The following MAP3K20 variants were observed in gnomAD, a reference collection of about 807,000 sequenced individuals.
MAP3K20 encodes the protein mitogen-activated protein kinase kinase kinase 20.
MAP3K20 carries 40 observed loss-of-function variants against 85.7 expected under a neutral mutation model. The observed-to-expected ratio is 0.47, with a 90% CI of 0.36 to 0.61. MAP3K20 has a LOEUF of 0.61. MAP3K20 is among the 20% of genes least tolerant of loss of function. The pLI is 0.00. For synonymous variants in MAP3K20, 325 were observed against 327.7 expected (o/e 0.99, Z 0.09); for missense variants, 817 against 961.7 (o/e 0.85, Z 1.99).
chr2:173,147,971 T>C (rs2106223037), intron 2 of MAP3K20, among the ~76,000 whole-genome samples: 1 of 152,344 alleles, frequency 6.6e-6, no homozygotes, highest in East Asian at 1.9e-4. Flanking sequence ...GTTGTCTGAT[T>C]TTGTTTGTTA....
intron 16 of MAP3K20, among the ~76,000 whole-genome samples, chr2:173,254,653 G>A (rs1685119094): frequency 6.6e-6 from 1 of 152,066 alleles, no homozygotes; most frequent in Non-Finnish European, 1.5e-5. Context: ...CTGGTTTCAT[G>A]GCATCTCAAT....
intron 2 of MAP3K20, among the ~76,000 whole-genome samples, chr2:173,114,882 C>G (rs929545357): frequency 1.3e-5 from 2 of 152,146 alleles, no homozygotes; most frequent in Non-Finnish European, 2.9e-5. Context: ...GACAGAGCAC[C>G]TAGGCGAAGA....
intron 2 of MAP3K20, chr2:173,166,621 T>C (rs986184478): frequency 3.5e-5 from 5 of 144,208 alleles, no homozygotes; most frequent in Admixed American, 6.8e-5. Flanking sequence ...ATAAAATCAA[T>C]ACAGTTTAAA....
chr2:173,173,313 A>C (rs1219016461), intron 3 of MAP3K20, among the ~76,000 whole-genome samples: 1 of 152,026 alleles, frequency 6.6e-6, no homozygotes, highest in Non-Finnish European at 1.5e-5. Context: ...AGAGGAACCC[A>C]CACCCAAAGT....
chr2:173,075,672 T>G, upstream of MAP3K20: 4 of 948,470 alleles, frequency 4.2e-6, no homozygotes, highest in Non-Finnish European at 5.0e-6. Context: ...GCAAGGCAGG[T>G]GTGTCTGGGG....
At chr2:173,209,972 TA>T in intron 10 of MAP3K20, 137 bp downstream of exon 10, 1 of 784,708 alleles carries the variant, frequency 1.3e-6, no homozygotes, top group Non-Finnish European at 2.1e-6. Context: ...AGGTTTTTTT[TA>T]TGATTTTGGA....
intron 2 of MAP3K20, among the ~76,000 whole-genome samples, chr2:173,108,506 C>T (rs1687849558): frequency 6.6e-6 from 1 of 152,200 alleles, no homozygotes; most frequent in South Asian, 2.1e-4. Context: ...AAATTGAGAT[C>T]TCTCACTTAG....
At chr2:173,090,517 G>T in intron 1 of MAP3K20, 2 of 601,796 alleles carry the variant, frequency 3.3e-6, no homozygotes, top group Non-Finnish European at 4.2e-6. Flanking sequence ...GCAGCCGTTT[G>T]GCTGTCTGTG....
chr2:173,224,204 A>G, intron 11 of MAP3K20: 1 of 963,578 alleles, frequency 1.0e-6, no homozygotes, highest in Non-Finnish European at 1.2e-6. Context: ...GTGGTCAGGA[A>G]AGGCCCCACT....
At chr2:173,137,901 A>G (rs17760899) in intron 2 of MAP3K20, among the ~76,000 whole-genome samples, 60,097 of 152,006 alleles carry the variant, frequency 0.4, 13,000 homozygotes, top group African/African-American at 0.56. Context: ...TTCTACTTTA[A>G]CCATCCTCAT....
At chr2:173,120,033 T>C (rs548278411) in intron 2 of MAP3K20, among the ~76,000 whole-genome samples, 2 of 152,216 alleles carry the variant, frequency 1.3e-5, no homozygotes, top group Non-Finnish European at 2.9e-5. Context: ...CCTCCCTCCC[T>C]GCCTTCCTGC....
intron 1 of MAP3K20, among the ~76,000 whole-genome samples, chr2:173,088,513 T>C (rs1687203233): frequency 6.6e-6 from 1 of 152,212 alleles, no homozygotes; most frequent in African/African-American, 2.4e-5. Context: ...CAGAGTTCAG[T>C]GCCAGAAGAA....
At chr2:173,193,985 G>A (rs540365876) in intron 7 of MAP3K20, among the ~76,000 whole-genome samples, 8 of 152,306 alleles carry the variant, frequency 5.3e-5, no homozygotes, top group African/African-American at 1.9e-4. Context: ...CACACTGGAT[G>A]TTGCTCTGCA....
At chr2:173,141,693 A>G (rs1241972506) in intron 2 of MAP3K20, among the ~76,000 whole-genome samples, 1 of 152,192 alleles carries the variant, frequency 6.6e-6, no homozygotes, top group Non-Finnish European at 1.5e-5. Flanking sequence ...GATGAAAACC[A>G]TACACTTACA....
intron 3 of MAP3K20, among the ~76,000 whole-genome samples, chr2:173,174,468 T>G (rs1690097114): frequency 6.6e-6 from 1 of 152,252 alleles, no homozygotes; most frequent in Non-Finnish European, 1.5e-5. Flanking sequence ...TTTGGTTTTC[T>G]GTTCCTGTGT....
chr2:173,093,510 T>G (rs1687362371), intron 2 of MAP3K20, among the ~76,000 whole-genome samples: 1 of 152,214 alleles, frequency 6.6e-6, no homozygotes, highest in African/African-American at 2.4e-5. Flanking sequence ...TGCAGACCTC[T>G]AGTGTAGTGA....
intron 2 of MAP3K20, among the ~76,000 whole-genome samples, chr2:173,109,807 G>A (rs1012812658): frequency 5.9e-5 from 9 of 152,056 alleles, no homozygotes; most frequent in Non-Finnish European, 8.8e-5. Context: ...TGTTGAGCCC[G>A]TTTGTAGAAT....
chr2:173,130,323 T>A (rs1425548199), intron 2 of MAP3K20, among the ~76,000 whole-genome samples: 1 of 152,198 alleles, frequency 6.6e-6, no homozygotes, highest in Non-Finnish European at 1.5e-5. Context: ...TCCATTTTTT[T>A]AAATAAAGCA....
At chr2:173,222,076 C>T (rs1684267613) in intron 11 of MAP3K20, 3 of 927,720 alleles carry the variant, frequency 3.2e-6, no homozygotes, top group Non-Finnish European at 3.9e-6. Flanking sequence ...GTAGCACACA[C>T]CTGTAGTCCC....
Sources: allele counts gnomAD v4.1 joint callset (sites outside exome capture counted in the v4.1 genomes callset), GRCh38; gene constraint gnomAD v4.1.1; transcripts MANE v1.5; gene names NCBI Gene and HGNC (gene_info 2026-07-23, HGNC 2026-07-21).